The following EXOC6 variants were observed in gnomAD, a reference collection of about 807,000 sequenced individuals.
EXOC6 encodes the protein exocyst complex component 6, also known as SEC15-like 1.
A neutral mutation model predicts 112.5 loss-of-function variants in EXOC6; 60 were observed. The observed-to-expected ratio is 0.53, with a 90% confidence interval of 0.43 to 0.66. The LOEUF (loss-of-function observed/expected upper bound fraction) is 0.66, where lower values mean the gene tolerates loss of function less well. Among genes scored for constraint, EXOC6 ranks in the 30% least tolerant of loss-of-function variants. The pLI, the probability that EXOC6 is intolerant of heterozygous loss-of-function variation, is 0.00. For synonymous variants in EXOC6, 295 were observed against 308.0 expected (o/e 0.96, Z 0.44); for missense variants, 855 against 957.1 (o/e 0.89, Z 1.41).
chr10:92,894,746 G>C (rs1488865303), intron 2 of EXOC6, 48 bp from the exon 3 acceptor site: 4 of 1,457,524 alleles, frequency 2.7e-6, no homozygotes, highest in Non-Finnish European at 3.8e-6. Flanking sequence ...TTACATCAGG[G>C]CAGTTTTATG....
chr10:92,924,482 A>G lies in EXOC6; in HGVS notation c.889-3857A>G, dbSNP rs529088261. 7.4e-4 allele frequency among the ~76,000 whole-genome samples: 113 copies of G among 152,288 alleles called. 1 individual carries two copies. The highest frequency in any genetic ancestry group is 1.2e-3 in the Non-Finnish European group (85 of 68,028). On this transcript the variant is annotated intron_variant, in intron 8 of 21. Transcript: ENST00000260762. ...AAGTGGGTAAAGCTGTTTAGCTGTC[A>G]TAAGTCTAAGTCCAATTGTTTAATG...
At chr10:92,848,433 G>GCCCCCCCCC, upstream of EXOC6, 1 of 855,808 alleles carries the variant, frequency 1.2e-6, no homozygotes, top group Non-Finnish European at 1.4e-6. Flanking sequence ...CGGCCCGAGC[G>GCCCCCCCCC]CCCCGCCCCC....
intron 12 of EXOC6, among the ~76,000 whole-genome samples, chr10:92,937,525 A>G (rs1396687709): frequency 6.6e-6 from 1 of 152,194 alleles, no homozygotes; most frequent in African/African-American, 2.4e-5. Flanking sequence ...CCTAAAGAGA[A>G]GATTCCACAA....
At chr10:93,020,151 T>C (rs764120014) in intron 20 of EXOC6, among the ~76,000 whole-genome samples, 7 of 152,194 alleles carry the variant, frequency 4.6e-5, no homozygotes, top group African/African-American at 7.2e-5. Context: ...TGAGTTTTTA[T>C]TATTTGCCTG....
intron 18 of EXOC6, among the ~76,000 whole-genome samples, chr10:92,990,038 C>G (rs1385268770): frequency 6.6e-6 from 1 of 151,888 alleles, no homozygotes; most frequent in Non-Finnish European, 1.5e-5. Context: ...TATAATATAT[C>G]CCTGTATTGG....
At chr10:92,922,560 G>A (rs959221642) in intron 8 of EXOC6, among the ~76,000 whole-genome samples, 2 of 152,116 alleles carry the variant, frequency 1.3e-5, no homozygotes, top group Non-Finnish European at 2.9e-5. Context: ...CTCTTTGTCC[G>A]AAATCCTAAG....
At chr10:93,041,499 C>A (rs1845774189) in intron 20 of EXOC6, among the ~76,000 whole-genome samples, 1 of 152,064 alleles carries the variant, frequency 6.6e-6, no homozygotes, top group Non-Finnish European at 1.5e-5. Flanking sequence ...TCAAGCAATT[C>A]TTCTGCCTCA....
At chr10:92,985,793 A>G (rs965706551) in intron 18 of EXOC6, among the ~76,000 whole-genome samples, 3 of 152,114 alleles carry the variant, frequency 2.0e-5, no homozygotes, top group Admixed American at 2.0e-4. Flanking sequence ...CTTTTACATG[A>G]TTGAAAACTG....
At chr10:92,926,293 C>T (rs1851716031) in intron 8 of EXOC6, among the ~76,000 whole-genome samples, 1 of 151,700 alleles carries the variant, frequency 6.6e-6, no homozygotes, top group Non-Finnish European at 1.5e-5. Flanking sequence ...ACACCTAAAG[C>T]CTTATAATCT....
chr10:92,891,488 T>G (rs1849497433), intron 1 of EXOC6, among the ~76,000 whole-genome samples: 1 of 152,192 alleles, frequency 6.6e-6, no homozygotes, highest in Non-Finnish European at 1.5e-5. Context: ...CTAAATTCTT[T>G]TTTTTCTTTT....
intron 19 of EXOC6, among the ~76,000 whole-genome samples, chr10:93,010,743 A>C (rs1234863730): frequency 6.6e-6 from 1 of 150,424 alleles, no homozygotes; most frequent in African/African-American, 2.4e-5. Flanking sequence ...TTTTAAACTG[A>C]GTCTTTAGGG....
rs1589780907 is a variant in EXOC6 at position 92,894,802 on chromosome 10, T to A, written c.282T>A (p.Val94=). Residue 94 remains valine (V), a synonymous_variant, in exon 3 of 22, where the codon GTT becomes GTA. Transcript: ENST00000260762. ...GAAATTAAATTTTTAAGGTGCAAGTTACTGATACCAACCGAAGGTTTCAAG... is the reference window on the plus strand; with the variant it reads ...GAAATTAAATTTTTAAGGTGCAAGTAACTGATACCAACCGAAGGTTTCAAG... The part of the protein sequence containing the change: ...RTDAEKLKVQ[V]TDTNRRFQDA... The A allele has an allele frequency of 6.2e-7, 1 of 1,613,498 alleles. No individual in the cohort carries two copies.
At chr10:92,922,235 C>T (rs566163240) in intron 8 of EXOC6, among the ~76,000 whole-genome samples, 6 of 152,242 alleles carry the variant, frequency 3.9e-5, no homozygotes, top group South Asian at 2.1e-4. Flanking sequence ...CATGAGCCAC[C>T]GTGGCCGGCC....
chr10:92,829,921 T>C (rs1338888833), upstream of EXOC6, among the ~76,000 whole-genome samples: 9 of 152,072 alleles, frequency 5.9e-5, no homozygotes, highest in Non-Finnish European at 1.2e-4. Flanking sequence ...AATTTACAAA[T>C]GCCATGGCAA....
chr10:92,846,006 T>C (rs1847041227), upstream of EXOC6, among the ~76,000 whole-genome samples: 1 of 152,230 alleles, frequency 6.6e-6, no homozygotes, highest in South Asian at 2.1e-4. Flanking sequence ...CTTTGAATTC[T>C]TAGCTAAAAC....
chr10:92,886,611 T>G (rs527974445), intron 1 of EXOC6, among the ~76,000 whole-genome samples: 4 of 152,254 alleles, frequency 2.6e-5, no homozygotes, highest in Admixed American at 6.5e-5. Flanking sequence ...TGGAGTCAGG[T>G]AGACCTGGGG....
chr10:92,971,333 C>T (rs148632387), intron 17 of EXOC6, among the ~76,000 whole-genome samples: 1,793 of 133,160 alleles, frequency 0.013, 112 homozygotes, highest in Admixed American at 0.12. Flanking sequence ...CGTGAGGCAC[C>T]ACGCCCAGCC....
At chr10:92,913,189 C>G (rs1190437210) in intron 6 of EXOC6, among the ~76,000 whole-genome samples, 5 of 152,162 alleles carry the variant, frequency 3.3e-5, no homozygotes, top group African/African-American at 1.2e-4. Context: ...TCCACAATTC[C>G]AGAAACTGGG....
intron 13 of EXOC6, among the ~76,000 whole-genome samples, chr10:92,943,307 C>A (rs1852781782): frequency 6.6e-6 from 1 of 152,118 alleles, no homozygotes; most frequent in African/African-American, 2.4e-5. Context: ...CGTGAGCCAC[C>A]CCTCCTGGCC....
Sources: allele counts gnomAD v4.1 joint callset (sites outside exome capture counted in the v4.1 genomes callset), GRCh38; gene constraint gnomAD v4.1.1; transcripts MANE v1.5; gene names NCBI Gene and HGNC (gene_info 2026-07-23, HGNC 2026-07-21).